The following NBEA variants were observed in gnomAD, a reference collection of about 807,000 sequenced individuals.
NBEA encodes the protein neurobeachin.
A neutral mutation model predicts 343.4 loss-of-function variants in NBEA; 44 were observed. The observed-to-expected ratio is 0.13, with a 90% CI of 0.10 to 0.16. The LOEUF is 0.16. Among genes scored for constraint, NBEA ranks in the 10% least tolerant of loss-of-function variants. The probability of loss-of-function intolerance (pLI) is 1.00; values close to 1 mark genes in which losing one functional copy is unlikely to be tolerated. For missense variants in NBEA, 2,555 were observed against 3,631.3 expected (o/e 0.70, Z 7.62); for synonymous variants, 1,175 against 1,238.7 (o/e 0.95, Z 1.08).
chr13:35,425,512 C>G (rs865934542), intron 38 of NBEA, among the ~76,000 whole-genome samples: 2,055 of 152,202 alleles, frequency 0.014, 59 homozygotes, highest in African/African-American at 0.047. Flanking sequence ...GTCTGAGAGA[C>G]AGTTTGTTAT....
chr13:35,525,287 C>A (rs904034569), intron 41 of NBEA, among the ~76,000 whole-genome samples: 1 of 152,266 alleles, frequency 6.6e-6, no homozygotes, highest in Non-Finnish European at 1.5e-5. Context: ...TGCGGTGGCT[C>A]ACGCCTGTAA....
intron 1 of NBEA, among the ~76,000 whole-genome samples, chr13:35,015,492 T>G (rs1487495871): frequency 6.6e-6 from 1 of 152,092 alleles, no homozygotes; most frequent in East Asian, 1.9e-4. Context: ...ACAAACAGTA[T>G]ATACAACTAC....
intron 26 of NBEA, among the ~76,000 whole-genome samples, chr13:35,171,992 G>T (rs2070497979): frequency 6.6e-6 from 1 of 151,980 alleles, no homozygotes; most frequent in African/African-American, 2.4e-5. Flanking sequence ...AAATCTGAAT[G>T]AATTCTTTAG....
At chr13:35,633,652 C>T (rs1334138592) in intron 49 of NBEA, among the ~76,000 whole-genome samples, 1 of 151,916 alleles carries the variant, frequency 6.6e-6, no homozygotes, top group Non-Finnish European at 1.5e-5. Context: ...TGTATTTTCT[C>T]ACCTAAAAAA....
At position 35,139,744 on chromosome 13, in the gene NBEA, G is replaced by GTTTTTTTTT. The variant is rs36117821; in HGVS notation, c.2337-2505_2337-2497dup. ...TTTCCTGCCTAAGATGATGGATGGC[G>GTTTTTTTTT]TTTTTTTTTTTTTTTTTTTTTTTTT... On this transcript the variant is annotated intron_variant, in intron 17 of 58. Transcript: ENST00000379939. 4.6e-4 allele frequency among the ~76,000 whole-genome samples: 28 copies of GTTTTTTTTT among 61,112 alleles called. 1 individual carries two copies. The highest frequency in any genetic ancestry group is 1.2e-3 in the South Asian group (2 of 1,696). 40.1% of individuals were successfully genotyped at this position (61,112 alleles called of 152,430 possible).
intron 45 of NBEA, among the ~76,000 whole-genome samples, 156 bp downstream of exon 45, chr13:35,567,173 A>G (rs563372883): frequency 6.6e-6 from 1 of 152,346 alleles, no homozygotes; most frequent in East Asian, 1.9e-4. Context: ...AATTCTTAGC[A>G]CAGGAATTAA....
In NBEA at chr13:35,588,062, GCATTTTA is replaced by G. The variant is rs1343886357; in HGVS notation, c.7176+4038_7176+4044del. Among the ~76,000 whole-genome samples the G allele has an allele frequency of 5.9e-5, 9 of 151,940 alleles. No homozygotes were observed. The South Asian group carries it at 1.9e-3, about 32-fold the overall frequency. ...AACCAATATAAAAATGTAAAATAAG[GCATTTTA>G]CATTTTACATTTTTGGAGGGAGGGT... On this transcript the variant is annotated intron_variant, in intron 46 of 58. Coordinates refer to ENST00000379939, the MANE Select transcript of NBEA (RefSeq NM_001385012.1).
At chr13:35,670,659 C>T (rs987594826) in intron 58 of NBEA, among the ~76,000 whole-genome samples, 1 of 152,224 alleles carries the variant, frequency 6.6e-6, no homozygotes, top group Non-Finnish European at 1.5e-5. Flanking sequence ...GTTCCGTGGG[C>T]CCCTCACGCT....
intron 10 of NBEA, among the ~76,000 whole-genome samples, chr13:35,087,732 G>A (rs1330936494): frequency 1.3e-5 from 2 of 151,880 alleles, no homozygotes; most frequent in Non-Finnish European, 2.9e-5. Context: ...GCTCTAGAGA[G>A]AGCATCAACT....
rs780355255 is a variant in NBEA, at chr13:35,434,808, A to G, written c.6304+2415A>G. On this transcript the variant is annotated intron_variant, in intron 39 of 58. Transcript: ENST00000379939. ...GCCTTCTTCCTACCTCTTAATGTGCACTCTAACCTATATAGAAAATATCTC... is the reference window on the plus strand; with the variant it reads ...GCCTTCTTCCTACCTCTTAATGTGCGCTCTAACCTATATAGAAAATATCTC... Among the ~76,000 whole-genome samples, 7 of 152,194 alleles carry G rather than the reference A, an allele frequency of 4.6e-5. No homozygotes were observed. The South Asian group carries it at 1.2e-3, about 27-fold the overall frequency.
chr13:35,162,957 T>TATATGAA (rs2069684403), intron 23 of NBEA, among the ~76,000 whole-genome samples: 2 of 152,194 alleles, frequency 1.3e-5, no homozygotes, highest in Non-Finnish European at 2.9e-5. Context: ...CTTTCATTGC[T>TATATGAA]AATTGTTATA....
chr13:35,251,996 C>CT (rs199668005), intron 34 of NBEA, among the ~76,000 whole-genome samples: 4,525 of 152,334 alleles, frequency 0.03, 101 homozygotes, highest in Non-Finnish European at 0.045. Flanking sequence ...TCTAAATACT[C>CT]TATCAAATGA....
chr13:35,170,501 T>A (rs748337855), intron 25 of NBEA, among the ~76,000 whole-genome samples: 7 of 151,758 alleles, frequency 4.6e-5, no homozygotes, highest in Non-Finnish European at 8.8e-5. Flanking sequence ...AAATAAGAAA[T>A]GTTGACATTG....
chr13:35,275,089 C>G (rs528206611), intron 34 of NBEA, among the ~76,000 whole-genome samples: 1 of 152,268 alleles, frequency 6.6e-6, no homozygotes, highest in East Asian at 1.9e-4. Flanking sequence ...AGGCATCATG[C>G]TACCTGACTT....
At chr13:35,543,234 T>G (rs753456035) in intron 41 of NBEA, among the ~76,000 whole-genome samples, 1 of 152,192 alleles carries the variant, frequency 6.6e-6, no homozygotes, top group Non-Finnish European at 1.5e-5. Context: ...CATGCACATA[T>G]GAATATTACT....
In NBEA at chr13:35,118,264, T is replaced by C; in HGVS notation, c.2119T>C (p.Leu707=). 1.3e-6 allele frequency: 2 copies of C among 1,559,510 alleles called. No homozygotes were observed. Among genetic ancestry groups the C allele is most frequent in the Non-Finnish European group, 1.7e-6 (2 of 1,150,476 alleles). ...GVKEDELQSI[L]NYLLTMHEDE... ...CAAGGAAGATGAACTTCAGAGTATA[T>C]TAAATTACCTACTTACGATGCATGA... Residue 707 remains leucine (L), a synonymous_variant, in exon 15 of 59, where the codon TTA becomes CTA. Transcript: ENST00000379939.
At chr13:35,164,184 T>TA (rs1414053390) in intron 23 of NBEA, among the ~76,000 whole-genome samples, 172 bp from the exon 24 acceptor site, 1 of 152,138 alleles carries the variant, frequency 6.6e-6, no homozygotes, top group African/African-American at 2.4e-5. Context: ...TGGAGATGAA[T>TA]GCTTAGTTTT....
chr13:35,223,582 G>C (rs1472631629), intron 33 of NBEA, among the ~76,000 whole-genome samples: 1 of 152,038 alleles, frequency 6.6e-6, no homozygotes, highest in Non-Finnish European at 1.5e-5. Context: ...TTGAATTTCA[G>C]CAGTGTATTA....
In NBEA at chr13:35,254,899, TA is replaced by T. The variant is rs1057190223; in HGVS notation, c.5776+22281del. Among the ~76,000 whole-genome samples the T allele has an allele frequency of 5.9e-4, 90 of 152,152 alleles. 1 individual carries two copies. The highest frequency in any genetic ancestry group is 2.0e-3 in the African/African-American group (83 of 41,582). ...CCTTTTTATTGTTACATTAAAATAA[TA>T]TTTTTTTAATATAAAATTATTTTGA... On this transcript the variant is annotated intron_variant, in intron 34 of 58. Transcript: ENST00000379939.
Sources: allele counts gnomAD v4.1 joint callset (sites outside exome capture counted in the v4.1 genomes callset), GRCh38; gene constraint gnomAD v4.1.1; transcripts MANE v1.5; gene names NCBI Gene and HGNC (gene_info 2026-07-23, HGNC 2026-07-21).